Variants in UCK2 observed in about 807,000 individuals in gnomAD.
The protein encoded by UCK2 is uridine-cytidine kinase 2, also known as cytidine monophosphokinase 2.
A neutral mutation model predicts 30.8 loss-of-function variants in UCK2; 6 were observed. That is an observed-to-expected ratio of 0.19 (90% CI 0.11 to 0.38). The LOEUF is 0.38. Ranked by LOEUF, UCK2 falls within the 10% of genes least tolerant of loss-of-function variation. UCK2 has a pLI of 1.00. For synonymous variants in UCK2, 125 were observed against 133.6 expected (o/e 0.94, Z 0.45); for missense variants, 210 against 339.8 (o/e 0.62, Z 3.00).
chr1:165,865,022 C>T lies in UCK2; in HGVS notation c.100-25182C>T, dbSNP rs569217238. Among the ~76,000 whole-genome samples the T allele has an allele frequency of 2.6e-5, 4 of 152,280 alleles. No individual in the cohort carries two copies. In the East Asian group the frequency reaches 7.7e-4, roughly 29 times the overall value. On this transcript the variant is annotated intron_variant, in intron 1 of 6. Transcript: ENST00000367879. ...TTTTACACACACACACATGCACACA[C>T]ACACTTTTGGTAACTTAATGTATAC...
intron 1 of UCK2, among the ~76,000 whole-genome samples, chr1:165,831,214 C>G (rs1302094079): frequency 6.6e-6 from 1 of 152,134 alleles, no homozygotes; most frequent in Non-Finnish European, 1.5e-5. Flanking sequence ...GCCTGGGCAA[C>G]AGAGAGAGAC....
At chr1:165,883,601 T>C (rs1463559781) in intron 1 of UCK2, among the ~76,000 whole-genome samples, 1 of 151,820 alleles carries the variant, frequency 6.6e-6, no homozygotes, top group Non-Finnish European at 1.5e-5. Context: ...ATTTAGTGAG[T>C]TTTTAATTTA....
At chr1:165,857,533 T>C (rs1029557531) in intron 1 of UCK2, among the ~76,000 whole-genome samples, 3 of 152,044 alleles carry the variant, frequency 2.0e-5, no homozygotes, top group Non-Finnish European at 2.9e-5. Flanking sequence ...CAGGAGGTAA[T>C]GACTGAGCTG....
intron 1 of UCK2, among the ~76,000 whole-genome samples, chr1:165,828,526 T>A (rs1653955121): frequency 6.6e-6 from 1 of 152,192 alleles, no homozygotes; most frequent in South Asian, 2.1e-4. Context: ...GAGAGCCAAA[T>A]AGGTGCCGTG....
chr1:165,888,299 T>C (rs1655673427), intron 1 of UCK2, among the ~76,000 whole-genome samples: 1 of 152,140 alleles, frequency 6.6e-6, no homozygotes, highest in Non-Finnish European at 1.5e-5. Flanking sequence ...CTTTTCTCTT[T>C]TTTCTTTTTT....
chr1:165,856,873 A>G (rs1654757732), intron 1 of UCK2, among the ~76,000 whole-genome samples: 1 of 150,836 alleles, frequency 6.6e-6, no homozygotes, highest in Admixed American at 6.6e-5. Context: ...GATATGTGTT[A>G]AATATGGCCC....
At chr1:165,878,333 T>C (rs1655392094) in intron 1 of UCK2, among the ~76,000 whole-genome samples, 1 of 133,854 alleles carries the variant, frequency 7.5e-6, no homozygotes, top group Admixed American at 7.3e-5. Context: ...ATTTCTTTCT[T>C]TCTTTTTTTT....
intron 3 of UCK2, among the ~76,000 whole-genome samples, chr1:165,894,824 G>A (rs149527371): frequency 3.3e-5 from 5 of 152,246 alleles, no homozygotes; most frequent in Non-Finnish European, 5.9e-5. Context: ...GCTGGCCGTT[G>A]ATACTGACCT....
chr1:165,896,391 G>A, intron 4 of UCK2, 59 bp downstream of exon 4: 1 of 1,600,916 alleles, frequency 6.2e-7, no homozygotes, highest in South Asian at 1.1e-5. Flanking sequence ...CGGGGGAGCT[G>A]GGAGCCTGTG....
chr1:165,854,518 G>A (rs370171433), intron 1 of UCK2, among the ~76,000 whole-genome samples: 61 of 152,036 alleles, frequency 4.0e-4, no homozygotes, highest in African/African-American at 1.4e-3. Context: ...GTGTAGTAGG[G>A]AACTGGGTCC....
intron 1 of UCK2, among the ~76,000 whole-genome samples, chr1:165,867,561 AT>A (rs1379600439): frequency 1.3e-5 from 2 of 152,242 alleles, no homozygotes; most frequent in African/African-American, 4.8e-5. Flanking sequence ...CATTTCAACA[AT>A]GCCCACAGCA....
Position 165,827,750 on chromosome 1 carries a change from G to T in UCK2, c.-84G>T, listed in dbSNP as rs1476461843. ...CCGGCAGCGCCCAGCGGCGGCTGCGGAAAGCGGAGGGAGTCCGACGCGGGC... is the reference window on the plus strand; with the variant it reads ...CCGGCAGCGCCCAGCGGCGGCTGCGTAAAGCGGAGGGAGTCCGACGCGGGC... On this transcript the variant is annotated 5_prime_UTR_variant, in exon 1 of 7. Transcript: ENST00000367879. The T allele has an allele frequency of 8.3e-7, 1 of 1,208,780 alleles. No homozygotes were observed. The highest frequency in any genetic ancestry group is 3.2e-5 in the East Asian group (1 of 31,112). 74.9% of individuals were successfully genotyped at this position (1,208,780 alleles called of 1,614,324 possible). A position where few individuals can be genotyped will look rare whatever the true frequency, so the allele number is the denominator to read the frequency against.
At chr1:165,891,167 G>A in intron 2 of UCK2, 59 bp from the exon 3 acceptor site, 1 of 1,453,726 alleles carries the variant, frequency 6.9e-7, no homozygotes. Flanking sequence ...CCTTGTGTAT[G>A]ATTATAGGAG....
chr1:165,864,421 G>T (rs1281100800), intron 1 of UCK2, among the ~76,000 whole-genome samples: 1 of 151,954 alleles, frequency 6.6e-6, no homozygotes, highest in Admixed American at 6.6e-5. Flanking sequence ...ATTTTTATAG[G>T]TATCAGTATA....
chr1:165,844,880 C>T (rs1429273212), intron 1 of UCK2, among the ~76,000 whole-genome samples: 1 of 152,126 alleles, frequency 6.6e-6, no homozygotes, highest in Non-Finnish European at 1.5e-5. Context: ...CATGCCTCAC[C>T]CTTTGCGTCT....
intron 4 of UCK2, among the ~76,000 whole-genome samples, chr1:165,901,776 G>T (rs543653119): frequency 6.6e-6 from 1 of 152,180 alleles, no homozygotes; most frequent in Non-Finnish European, 1.5e-5. Flanking sequence ...ATGTACAGCG[G>T]CAGAATGAGG....
intron 1 of UCK2, among the ~76,000 whole-genome samples, chr1:165,841,960 A>G (rs535795348): frequency 1.3e-5 from 2 of 152,326 alleles, no homozygotes; most frequent in East Asian, 3.9e-4. Context: ...CTACAGTCAT[A>G]AAGTGTTGTC....
At chr1:165,887,779 C>T (rs938576997) in intron 1 of UCK2, among the ~76,000 whole-genome samples, 1 of 151,812 alleles carries the variant, frequency 6.6e-6, no homozygotes, top group African/African-American at 2.4e-5. Flanking sequence ...TTTCCCCCCC[C>T]ACCCATCCAT....
At chr1:165,896,891 T>C (rs1181941695) in intron 4 of UCK2, among the ~76,000 whole-genome samples, 1 of 152,194 alleles carries the variant, frequency 6.6e-6, no homozygotes, top group Non-Finnish European at 1.5e-5. Context: ...CTGTGCTAAG[T>C]CCCTGTGCTT....
Sources: allele counts gnomAD v4.1 joint callset (sites outside exome capture counted in the v4.1 genomes callset), GRCh38; gene constraint gnomAD v4.1.1; transcripts MANE v1.5; gene names NCBI Gene and HGNC (gene_info 2026-07-23, HGNC 2026-07-21).